Variants in HIRA observed in about 807,000 individuals in gnomAD.
The protein encoded by HIRA is histone cell cycle regulator, also known as protein HIRA.
In HIRA, 13 loss-of-function variants were observed where a neutral mutation model predicts 126.6. That is an observed-to-expected ratio of 0.10 (90% CI 0.07 to 0.16). The LOEUF (loss-of-function observed/expected upper bound fraction) is 0.16. HIRA is among the 10% of genes least tolerant of loss of function. The probability of loss-of-function intolerance (pLI) is 1.00; values close to 1 mark genes in which losing one functional copy is unlikely to be tolerated. For synonymous variants in HIRA, 511 were observed against 520.0 expected (o/e 0.98, Z 0.24); for missense variants, 834 against 1,314.4 (o/e 0.63, Z 5.65).
Position 19,351,510 on chromosome 22 carries a change from C to T in HIRA, c.2849-64G>A, listed in dbSNP as rs1465057259. ...ACAAAACAGAAATAGGAACACATTACAAAAAGAAATAAAATCAAGAATATG... is the reference window on the plus strand; with the variant it reads ...ACAAAACAGAAATAGGAACACATTATAAAAAGAAATAAAATCAAGAATATG... On this transcript the variant is annotated intron_variant, in intron 23 of 24. Coordinates refer to ENST00000263208, the MANE Select transcript of HIRA (RefSeq NM_003325.4). The surrounding 1 kb of genome is among the most constrained non-coding windows in gnomAD (Gnocchi z 4.8). 2.5e-6 allele frequency: 3 copies of T among 1,182,294 alleles called. No individual in the cohort carries two copies. Among genetic ancestry groups the T allele is most frequent in the Non-Finnish European group, 2.5e-6 (2 of 801,738 alleles). The allele number at this position is 1,182,294 out of a possible 1,614,324, so 73.2% of individuals were successfully genotyped here.
At chr22:19,390,314 TG>T (rs1225222849) in intron 9 of HIRA, among the ~76,000 whole-genome samples, 4 of 152,116 alleles carry the variant, frequency 2.6e-5, no homozygotes, top group Admixed American at 6.6e-5. Context: ...CACATCGGGC[TG>T]GGTGTGGTGG....
chr22:19,389,664 C>A (rs1347892009), intron 9 of HIRA, among the ~76,000 whole-genome samples: 1 of 152,040 alleles, frequency 6.6e-6, no homozygotes, highest in Non-Finnish European at 1.5e-5. Flanking sequence ...CCTACAGACC[C>A]CTCAGAAATC....
At chr22:19,387,941 TCTGTGGCCTGG>T in intron 10 of HIRA, 125 bp from the exon 11 acceptor site, 2 of 107,314 alleles carry the variant, frequency 1.9e-5, no homozygotes, top group Non-Finnish European at 4.9e-5. Flanking sequence ...CTGGTTCCCT[TCTGTGGCCTGG>T]TTCCCTTCTT....
At chr22:19,421,740 CA>C (rs372738816) in intron 1 of HIRA, among the ~76,000 whole-genome samples, 74 of 152,308 alleles carry the variant, frequency 4.9e-4, no homozygotes, top group African/African-American at 1.6e-3. Context: ...GATGCGACCT[CA>C]GCTCACTGCA....
chr22:19,410,890 T>A, intron 1 of HIRA, 112 bp from the exon 2 acceptor site: 1 of 864,420 alleles, frequency 1.2e-6, no homozygotes, highest in South Asian at 1.5e-5. Flanking sequence ...TCTCCAAACA[T>A]CAGACAACTG....
rs2088867098 is a variant in HIRA, at chr22:19,361,849, A to G, written c.1858T>C (p.Leu620=). The change falls in exon 16 of 25, where the codon TTG becomes CTG. Residue 620 remains leucine (L), a synonymous_variant. Transcript: ENST00000263208. ...SSSDSDEKVP[L]AKASSLSKRK... ...TTGGACAGTGAGGAAGCCTTAGCCAAAGGGACTTTCTCATCGCTGTCACTG... is the reference window on the plus strand; with the variant it reads ...TTGGACAGTGAGGAAGCCTTAGCCAGAGGGACTTTCTCATCGCTGTCACTG... 1.2e-6 allele frequency: 2 copies of G among 1,613,988 alleles called. No homozygotes were observed. Among genetic ancestry groups the G allele is most frequent in the Non-Finnish European group, 1.7e-6 (2 of 1,180,020 alleles).
At chr22:19,371,702 C>T (rs929335119) in intron 15 of HIRA, among the ~76,000 whole-genome samples, 4 of 152,200 alleles carry the variant, frequency 2.6e-5, no homozygotes, top group Non-Finnish European at 4.4e-5. Flanking sequence ...CTGGACATTT[C>T]CTATCAATGG....
In HIRA at chr22:19,331,051, G is replaced by A. The variant is rs1173955127; in HGVS notation, c.*389C>T. 1.0e-5 allele frequency: 10 copies of A among 954,082 alleles called. No homozygotes were observed. Among genetic ancestry groups the A allele is most frequent in the African/African-American group, 8.6e-5 (5 of 58,396 alleles). The allele number at this position is 954,082 out of a possible 1,614,324, so 59.1% of individuals were successfully genotyped here. On this transcript the variant is annotated 3_prime_UTR_variant, in exon 25 of 25. Transcript: ENST00000263208. Reference sequence around the variant, plus strand: ...GTCTGCTGTAATACCTAACGCTTCCGGATTCTCTCTCACAAATGGCTCAAT... The same window carrying A: ...GTCTGCTGTAATACCTAACGCTTCCAGATTCTCTCTCACAAATGGCTCAAT...
chr22:19,425,782 G>T (rs1054488784), intron 1 of HIRA, among the ~76,000 whole-genome samples: 1 of 152,116 alleles, frequency 6.6e-6, no homozygotes, highest in African/African-American at 2.4e-5. Context: ...TCAGGAGTTC[G>T]AGAGCAGCCA....
chr22:19,354,081 A>C lies in HIRA; in HGVS notation c.2599T>G (p.Cys867Gly), dbSNP rs2088786431. Residue 867 changes from cysteine to glycine, a missense_variant, in exon 22 of 25, where the codon TGT (cysteine) becomes GGT (glycine). This residue lies in a region of HIRA where 468 missense variants were observed against 574.2 expected (regional missense o/e 0.82). Transcript: ENST00000263208. ...GGCAGGCTGCTCCTAAAGTCTGCAC[A>C]CTGAGCCAGTGAGTCCTGCTTGTCA... ...VSDKQDSLAQ[C>G]ADFRSSLPSQ... The C allele has an allele frequency of 6.2e-7, 1 of 1,613,192 alleles. No homozygotes were observed.
chr22:19,408,467 G>A lies in HIRA; in HGVS notation c.211+16C>T, dbSNP rs773382486. On this transcript the variant is annotated intron_variant, in intron 3 of 24. Transcript: ENST00000263208. ...CTGCCAACACGCAAAGCCTGCAAAG[G>A]GCCACTCTGTAATACCTAAGTGATT... 3 of 1,509,456 alleles carry A rather than the reference G, an allele frequency of 2.0e-6. No individual in the cohort carries two copies. Among genetic ancestry groups the A allele is most frequent in the African/African-American group, 2.7e-5 (2 of 72,848 alleles). The allele number at this position is 1,509,456 out of a possible 1,614,324, so 93.5% of individuals were successfully genotyped here. A position where few individuals can be genotyped will look rare whatever the true frequency, so the allele number is the denominator to read the frequency against.
At chr22:19,348,450 T>C (rs1311097277) in intron 24 of HIRA, among the ~76,000 whole-genome samples, 14 of 151,668 alleles carry the variant, frequency 9.2e-5, no homozygotes, top group African/African-American at 3.4e-4. Context: ...GATAAAAGCC[T>C]AAATTAAAAA....
At chr22:19,338,316 G>A (rs2088589418) in intron 24 of HIRA, among the ~76,000 whole-genome samples, 1 of 151,668 alleles carries the variant, frequency 6.6e-6, no homozygotes, top group Non-Finnish European at 1.5e-5. Flanking sequence ...GCTAAAAGGA[G>A]TTCTAAATCT....
intron 24 of HIRA, among the ~76,000 whole-genome samples, chr22:19,342,267 C>T (rs1556007722): frequency 6.6e-6 from 1 of 152,160 alleles, no homozygotes; most frequent in African/African-American, 2.4e-5. Flanking sequence ...CACCTTACTC[C>T]TGCAAGAATG....
chr22:19,426,352 C>T (rs1270522848), intron 1 of HIRA, among the ~76,000 whole-genome samples: 3 of 152,188 alleles, frequency 2.0e-5, no homozygotes, highest in Non-Finnish European at 1.5e-5. Flanking sequence ...CTCCCTCTTG[C>T]CCTGTTTAGC....
chr22:19,387,455 T>C (rs949122063), intron 11 of HIRA, among the ~76,000 whole-genome samples: 1 of 152,162 alleles, frequency 6.6e-6, no homozygotes, highest in African/African-American at 2.4e-5. Context: ...GGATGGCCTA[T>C]TATCAGCTCA....
intron 23 of HIRA, among the ~76,000 whole-genome samples, chr22:19,352,869 C>G (rs2088772662): frequency 6.6e-6 from 1 of 152,224 alleles, no homozygotes; most frequent in Non-Finnish European, 1.5e-5. Flanking sequence ...TCCAGCACAC[C>G]TGGCTTTCTG....
intron 9 of HIRA, among the ~76,000 whole-genome samples, chr22:19,390,977 T>C (rs1176927715): frequency 2.0e-5 from 3 of 152,042 alleles, no homozygotes; most frequent in African/African-American, 7.3e-5. Context: ...TTTTTAATTT[T>C]AGAACTCTAC....
At chr22:19,388,433 T>A in intron 10 of HIRA, 51 bp downstream of exon 10, 2 of 1,434,760 alleles carry the variant, frequency 1.4e-6, no homozygotes, top group South Asian at 2.3e-5. Context: ...CATGTTCCAA[T>A]GTGTGGCTTC....
Sources: gnomAD v4.1 joint callset for allele counts (sites outside exome capture counted in the v4.1 genomes callset) on GRCh38, gnomAD v4.1.1 for gene constraint, gnomAD v4.1.1 regional missense constraint, Gnocchi (gnomAD v3.1) non-coding constraint, MANE v1.5 for transcripts, NCBI Gene and HGNC (gene_info 2026-07-23, HGNC 2026-07-21) for gene names.